The following MEIKIN variants were observed in gnomAD, a reference collection of about 807,000 sequenced individuals.
MEIKIN encodes the protein meiosis-specific kinetochore protein.
chr5:131,808,189 T>C (rs1772881443), intron 12 of MEIKIN, among the ~76,000 whole-genome samples: 1 of 152,180 alleles, frequency 6.6e-6, no homozygotes, highest in Non-Finnish European at 1.5e-5. Flanking sequence ...TCTCTACTCC[T>C]CCCTGTTTAC....
At chr5:131,886,374 T>A (rs116403287) in intron 8 of MEIKIN, among the ~76,000 whole-genome samples, 45 of 152,012 alleles carry the variant, frequency 3.0e-4, no homozygotes, top group African/African-American at 1.1e-3. Context: ...ATAATCAAAG[T>A]CTTAAAGTTC....
At chr5:131,883,345 T>G (rs1309430983) in intron 8 of MEIKIN, among the ~76,000 whole-genome samples, 1 of 152,138 alleles carries the variant, frequency 6.6e-6, no homozygotes, top group Admixed American at 6.5e-5. Context: ...TAAAAAGAGA[T>G]TAGAATCTAG....
At chr5:131,822,196 T>G (rs570912525) in intron 11 of MEIKIN, among the ~76,000 whole-genome samples, 5 of 152,334 alleles carry the variant, frequency 3.3e-5, no homozygotes, top group African/African-American at 1.2e-4. Flanking sequence ...GTGCTTCCTG[T>G]AGGCAACAGA....
At chr5:131,903,348 A>G (rs1262371967) in intron 8 of MEIKIN, among the ~76,000 whole-genome samples, 1 of 152,198 alleles carries the variant, frequency 6.6e-6, no homozygotes, top group Non-Finnish European at 1.5e-5. Flanking sequence ...ACACACAGTC[A>G]TCAGATTCTC....
At chr5:131,874,613 G>C (rs1046820316) in intron 9 of MEIKIN, among the ~76,000 whole-genome samples, 11 of 152,114 alleles carry the variant, frequency 7.2e-5, no homozygotes, top group Non-Finnish European at 1.6e-4. Flanking sequence ...CCAATCAATA[G>C]AAAAAGAGGG....
intron 8 of MEIKIN, among the ~76,000 whole-genome samples, chr5:131,897,108 T>C (rs946033197): frequency 1.3e-5 from 2 of 152,196 alleles, no homozygotes; most frequent in Non-Finnish European, 2.9e-5. Flanking sequence ...CATTTGCTTG[T>C]CTGGAAAGGA....
At chr5:131,907,507 A>G (rs1408317373) in intron 8 of MEIKIN, among the ~76,000 whole-genome samples, 1 of 151,362 alleles carries the variant, frequency 6.6e-6, no homozygotes, top group Non-Finnish European at 1.5e-5. Context: ...CATTCAAAGG[A>G]TCATTAGTAT....
intron 8 of MEIKIN, among the ~76,000 whole-genome samples, chr5:131,910,380 C>T (rs1751314143): frequency 6.6e-6 from 1 of 151,828 alleles, no homozygotes; most frequent in South Asian, 2.1e-4. Flanking sequence ...AACAATTGAA[C>T]TCGTGGAGAT....
At chr5:131,858,241 A>G (rs1370568292) in intron 9 of MEIKIN, among the ~76,000 whole-genome samples, 1 of 152,216 alleles carries the variant, frequency 6.6e-6, no homozygotes, top group Non-Finnish European at 1.5e-5. Context: ...TAACAGACAC[A>G]TAGACCAATG....
At chr5:131,931,844 T>G (rs1178695106) in intron 5 of MEIKIN, among the ~76,000 whole-genome samples, 1 of 152,180 alleles carries the variant, frequency 6.6e-6, no homozygotes, top group Non-Finnish European at 1.5e-5. Context: ...TTTGTTTTGT[T>G]TTGATATCTC....
chr5:131,834,356 A>G (rs958460141), intron 11 of MEIKIN, among the ~76,000 whole-genome samples: 5 of 152,190 alleles, frequency 3.3e-5, no homozygotes, highest in African/African-American at 9.7e-5. Flanking sequence ...AACATTTCAA[A>G]TATGTTCTCT....
intron 12 of MEIKIN, among the ~76,000 whole-genome samples, chr5:131,810,001 C>T (rs1011056602): frequency 6.6e-6 from 1 of 152,118 alleles, no homozygotes; most frequent in Non-Finnish European, 1.5e-5. Context: ...GAGGTAAGAA[C>T]TACTATTTTA....
chr5:131,858,100 A>G (rs774965928), intron 9 of MEIKIN, among the ~76,000 whole-genome samples: 4 of 152,216 alleles, frequency 2.6e-5, no homozygotes, highest in Non-Finnish European at 5.9e-5. Context: ...CCTCCAGTGC[A>G]GCGAGTTCCT....
At chr5:131,937,642 A>T (rs1187015019) in intron 4 of MEIKIN, among the ~76,000 whole-genome samples, 2 of 151,858 alleles carry the variant, frequency 1.3e-5, no homozygotes, top group African/African-American at 4.8e-5. Flanking sequence ...ACAACTTTTG[A>T]GTGGGAGTCC....
At chr5:131,927,971 C>A (rs1388234045) in intron 5 of MEIKIN, among the ~76,000 whole-genome samples, 1 of 151,674 alleles carries the variant, frequency 6.6e-6, no homozygotes, top group South Asian at 2.1e-4. Context: ...CGGTGAAACC[C>A]CGTCTCTACT....
rs143439964 is a variant in MEIKIN, at chr5:131,922,931, G to A, written c.479-990C>T. On this transcript the variant is annotated intron_variant, in intron 5 of 12. Transcript: ENST00000442687. ...TTTTTGAGAAGAGTCTTGCTCTGTC[G>A]CCCAGGCTAGAATGCAGTGGTGTGA... is the stretch of plus-strand genomic sequence containing the variant. Among the ~76,000 whole-genome samples, 185 of 152,110 alleles carry A rather than the reference G, an allele frequency of 1.2e-3. 1 individual carries two copies. Among genetic ancestry groups the A allele is most frequent in the African/African-American group, 3.7e-3 (155 of 41,500 alleles).
At chr5:131,809,819 C>CAAAAAAAAAAAA (rs5871436) in intron 12 of MEIKIN, among the ~76,000 whole-genome samples, 1 of 130,632 alleles carries the variant, frequency 7.7e-6, no homozygotes, top group African/African-American at 3.3e-5. Flanking sequence ...AACAAACGAA[C>CAAAAAAAAAAAA]AAAAAAAAAA....
intron 8 of MEIKIN, among the ~76,000 whole-genome samples, chr5:131,883,296 C>T (rs1473648224): frequency 1.4e-4 from 22 of 152,058 alleles, no homozygotes; most frequent in Admixed American, 1.4e-3. Context: ...CCTGGAAATC[C>T]TGCCTATTAC....
chr5:131,935,075 G>GAA (rs1048027688), intron 4 of MEIKIN, among the ~76,000 whole-genome samples: 2 of 132,628 alleles, frequency 1.5e-5, no homozygotes, highest in African/African-American at 5.5e-5. Context: ...AAAGAAAAAA[G>GAA]AAAAAAAAAA....
Sources: allele counts gnomAD v4.1 joint callset (sites outside exome capture counted in the v4.1 genomes callset), GRCh38; gene constraint gnomAD v4.1.1; transcripts MANE v1.5; gene names NCBI Gene and HGNC (gene_info 2026-07-23, HGNC 2026-07-21).